Variants in SUGP2 observed in about 807,000 individuals in gnomAD.
SUGP2 encodes the protein SURP and G-patch domain containing 2.
Under a neutral mutation model 90.5 loss-of-function variants are expected in SUGP2, and 24 were observed. The ratio of observed to expected loss-of-function variants is 0.27; its 90% CI spans 0.19 to 0.37. The LOEUF (loss-of-function observed/expected upper bound fraction) is 0.37, where lower values mean the gene tolerates loss of function less well. Ranked by LOEUF, SUGP2 falls within the 10% of genes least tolerant of loss-of-function variation. The pLI is 1.00. For missense variants in SUGP2, 1,233 were observed against 1,363.3 expected (o/e 0.90, Z 1.51); for synonymous variants, 473 against 513.4 (o/e 0.92, Z 1.06).
intron 5 of SUGP2, 25 bp from the exon 6 acceptor site, chr19:19,008,453 G>C: frequency 3.8e-6 from 6 of 1,578,138 alleles, no homozygotes; most frequent in Non-Finnish European, 5.2e-6. Context: ...GCACCTGTCA[G>C]GCATGACTCC....
intron 2 of SUGP2, among the ~76,000 whole-genome samples, chr19:19,029,553 C>T (rs1459867966): frequency 6.6e-6 from 1 of 151,920 alleles, no homozygotes; most frequent in African/African-American, 2.4e-5. Context: ...ATTATCCCGC[C>T]TCAGCCTCCC....
intron 6 of SUGP2, among the ~76,000 whole-genome samples, chr19:19,005,776 G>C (rs974272315): frequency 1.5e-4 from 23 of 151,348 alleles, no homozygotes; most frequent in Non-Finnish European, 3.2e-4. Flanking sequence ...CTGGGCTCAA[G>C]AAATCTTCCT....
intron 3 of SUGP2, among the ~76,000 whole-genome samples, chr19:19,022,054 G>A (rs1274114142): frequency 6.6e-6 from 1 of 151,682 alleles, no homozygotes; most frequent in Admixed American, 6.6e-5. Flanking sequence ...GCAAGATCTC[G>A]GCTCACTGCA....
intron 2 of SUGP2, among the ~76,000 whole-genome samples, chr19:19,030,366 C>G (rs1002222886): frequency 1.3e-5 from 2 of 150,986 alleles, no homozygotes; most frequent in South Asian, 4.2e-4. Flanking sequence ...GGTGCATGCC[C>G]GTAATCCCAG....
At chr19:19,003,764 C>T (rs1045319395) in intron 7 of SUGP2, among the ~76,000 whole-genome samples, 20 of 152,220 alleles carry the variant, frequency 1.3e-4, no homozygotes, top group African/African-American at 4.8e-4. Flanking sequence ...TGGGACCACC[C>T]CTGCTCTGTT....
At chr19:19,021,342 C>T (rs1599538008) in intron 3 of SUGP2, among the ~76,000 whole-genome samples, 1 of 152,100 alleles carries the variant, frequency 6.6e-6, no homozygotes, top group Non-Finnish European at 1.5e-5. Context: ...GAGCTCCTCA[C>T]ACATGATGAG....
At chr19:19,023,664 T>G (rs1164305571) in intron 3 of SUGP2, among the ~76,000 whole-genome samples, 10 of 152,098 alleles carry the variant, frequency 6.6e-5, no homozygotes, top group African/African-American at 2.4e-4. Context: ...TTTGGGAGGC[T>G]GAGGCAGGTA....
chr19:19,015,898 C>T lies in SUGP2; in HGVS notation c.1850+3211G>A, dbSNP rs141256077. Among the ~76,000 whole-genome samples, 424 of 152,270 alleles carry T rather than the reference C, an allele frequency of 2.8e-3. 2 individuals carry two copies. Among genetic ancestry groups the T allele is most frequent in the African/African-American group, 9.7e-3 (401 of 41,544 alleles). Reference sequence around the variant, plus strand: ...TTCAGGATCTATTCTATCAGCCAACCGCTGAGATTTTTATTTCAATCTATT... The same window carrying T: ...TTCAGGATCTATTCTATCAGCCAACTGCTGAGATTTTTATTTCAATCTATT... On this transcript the variant is annotated intron_variant, in intron 4 of 10. Transcript: ENST00000452918.
rs752479603 is a variant in SUGP2, at chr19:19,010,054, G to A, written c.2139C>T (p.His713=). The change falls in exon 5 of 11, where the codon CAC becomes CAT. Residue 713 remains histidine, a synonymous_variant. Transcript: ENST00000452918. The part of the protein sequence containing the change: ...LLSSGTRLKH[H]GRQAPGLSQA... The stretch of plus-strand genomic sequence containing the variant: ...GTGAGAGGCCTGGAGCCTGCCGGCC[G>A]TGGTGTTTCAGCCTGGTGCCTGAGG... 2.7e-5 allele frequency: 44 copies of A among 1,613,856 alleles called. No homozygotes were observed. Among genetic ancestry groups the A allele is most frequent in the Non-Finnish European group, 3.4e-5 (40 of 1,180,000 alleles).
intron 8 of SUGP2, among the ~76,000 whole-genome samples, chr19:18,996,433 T>A (rs911992982): frequency 2.0e-5 from 3 of 150,826 alleles, no homozygotes; most frequent in Middle Eastern, 3.4e-3. Context: ...GTGTTTTTTT[T>A]AAATATAGAG....
Position 19,025,936 on chromosome 19 carries a change from A to C in SUGP2, c.412T>G (p.Phe138Val). The change falls in exon 3 of 11, where the codon TTT (phenylalanine) becomes GTT (valine). Residue 138 changes from phenylalanine (F) to valine (V), a missense_variant. Transcript: ENST00000452918. The part of the protein sequence containing the change: ...LGHFRSQDWK[F>V]ALRGSWEQDF... ...TGTTCCCAAGAACCACGGAGCGCAA[A>C]TTTCCAGTCCTGAGAACGGAAATGC... The C allele has an allele frequency of 1.2e-6, 2 of 1,614,164 alleles. No homozygotes were observed. The highest frequency in any genetic ancestry group is 8.5e-7 in the Non-Finnish European group (1 of 1,180,024).
intron 9 of SUGP2, chr19:18,994,882 AGC>A (rs2145226010): frequency 1.7e-6 from 1 of 578,966 alleles, no homozygotes; most frequent in African/African-American, 1.9e-5. Flanking sequence ...AATACCACTT[AGC>A]TTTTATGATG....
At chr19:19,023,655 T>C (rs1437242122) in intron 3 of SUGP2, among the ~76,000 whole-genome samples, 1 of 152,044 alleles carries the variant, frequency 6.6e-6, no homozygotes, top group Non-Finnish European at 1.5e-5. Context: ...TCCCAGCACT[T>C]TGGGAGGCTG....
intron 3 of SUGP2, among the ~76,000 whole-genome samples, chr19:19,023,354 T>C (rs1415558967): frequency 6.6e-6 from 1 of 152,180 alleles, no homozygotes; most frequent in African/African-American, 2.4e-5. Context: ...AGGGTGATTC[T>C]AGCCCAGGCT....
intron 6 of SUGP2, among the ~76,000 whole-genome samples, chr19:19,007,712 T>C (rs1182948638): frequency 6.9e-6 from 1 of 144,976 alleles, no homozygotes; most frequent in Non-Finnish European, 1.5e-5. Context: ...CGCCTCAGCC[T>C]CCCAAAGTGC....
At chr19:19,002,304 C>A (rs986136954) in intron 7 of SUGP2, among the ~76,000 whole-genome samples, 1 of 151,338 alleles carries the variant, frequency 6.6e-6, no homozygotes, top group Non-Finnish European at 1.5e-5. Context: ...AACTTGAACC[C>A]GGGAGGCAGA....
rs748555798 is a variant in SUGP2, at chr19:19,010,164, A to G, written c.2029T>C (p.Trp677Arg). 13 of 1,613,578 alleles carry G rather than the reference A, an allele frequency of 8.1e-6. No individual in the cohort carries two copies. Among genetic ancestry groups the G allele is most frequent in the Non-Finnish European group, 1.1e-5 (13 of 1,179,928 alleles). Residue 677 changes from tryptophan to arginine, a missense_variant, in exon 5 of 11, where the codon TGG becomes CGG. Transcript: ENST00000452918. ...GCACGGAGGAGCCCCCGCCGCTGCC[A>G]CGGAAGGAGTTTCTTCTTGAGGTTG... ...VRNLKKKLLP[W>R]QRRGLLRAQG...
intron 4 of SUGP2, among the ~76,000 whole-genome samples, chr19:19,015,572 T>C (rs1048422781): frequency 1.3e-5 from 2 of 152,156 alleles, no homozygotes; most frequent in South Asian, 4.1e-4. Flanking sequence ...GGTGCGATCT[T>C]GGCTCACTGC....
chr19:19,002,248 C>T (rs968303038), intron 7 of SUGP2, among the ~76,000 whole-genome samples: 56 of 151,906 alleles, frequency 3.7e-4, no homozygotes, highest in Non-Finnish European at 1.3e-4. Context: ...GGCGTGGTGG[C>T]GGGAGCCTGC....
Sources: allele counts gnomAD v4.1 joint callset (sites outside exome capture counted in the v4.1 genomes callset), GRCh38; gene constraint gnomAD v4.1.1; transcripts MANE v1.5; gene names NCBI Gene and HGNC (gene_info 2026-07-23, HGNC 2026-07-21).